KLHL29: variants seen among roughly 807,000 people sequenced by gnomAD.
KLHL29 encodes the protein kelch like family member 29, also known as kelch-like protein 29.
A neutral mutation model predicts 80.4 loss-of-function variants in KLHL29; 21 were observed. That is an observed-to-expected ratio of 0.26 (90% confidence interval 0.19 to 0.38). KLHL29 has a LOEUF of 0.38. Among genes scored for constraint, KLHL29 ranks in the 10% least tolerant of loss-of-function variants. The pLI, the probability that KLHL29 is intolerant of heterozygous loss-of-function variation, is 1.00. For missense variants in KLHL29, 867 were observed against 1,223.9 expected (o/e 0.71, Z 4.35); for synonymous variants, 511 against 526.8 (o/e 0.97, Z 0.41).
chr2:23,572,923 C>T (rs1202113185), intron 3 of KLHL29, among the ~76,000 whole-genome samples: 1 of 152,164 alleles, frequency 6.6e-6, no homozygotes, highest in Non-Finnish European at 1.5e-5. Context: ...CTCCTGACCT[C>T]GTGATCCGCC....
At chr2:23,666,258 G>T (rs556058022) in intron 5 of KLHL29, among the ~76,000 whole-genome samples, 1 of 152,156 alleles carries the variant, frequency 6.6e-6, no homozygotes, top group Non-Finnish European at 1.5e-5. Context: ...CACAAGTTGC[G>T]TGTGCCTTTT....
chr2:23,518,574 C>A lies in KLHL29; in HGVS notation c.-46+42907C>A, dbSNP rs145901275. On this transcript the variant is annotated intron_variant, in intron 2 of 13. Coordinates refer to ENST00000486442, the MANE Select transcript of KLHL29 (RefSeq NM_052920.2). ...GAAAAGAAACCCCAGCTGTCCCCTCCGGGAAGGCTCTGTGCACCTTCTCCA... is the reference window on the plus strand; with the variant it reads ...GAAAAGAAACCCCAGCTGTCCCCTCAGGGAAGGCTCTGTGCACCTTCTCCA... Among the ~76,000 whole-genome samples the A allele has an allele frequency of 2.9e-4, 44 of 152,288 alleles. No individual in the cohort carries two copies. The East Asian group carries it at 7.5e-3, about 26-fold the overall frequency.
At chr2:23,686,308 C>T (rs1300648478) in intron 6 of KLHL29, among the ~76,000 whole-genome samples, 1 of 150,636 alleles carries the variant, frequency 6.6e-6, no homozygotes, top group Non-Finnish European at 1.5e-5. Context: ...GTCTCGGTGG[C>T]CCTCATCAGA....
chr2:23,579,807 TCTGCACCC>T (rs762980635), intron 3 of KLHL29, among the ~76,000 whole-genome samples: 7 of 152,282 alleles, frequency 4.6e-5, no homozygotes, highest in Non-Finnish European at 2.9e-5. Context: ...ATCTGTCACC[TCTGCACCC>T]CCGCCCCCAT....
At chr2:23,529,709 G>A (rs1666433817) in intron 2 of KLHL29, among the ~76,000 whole-genome samples, 1 of 152,206 alleles carries the variant, frequency 6.6e-6, no homozygotes, top group African/African-American at 2.4e-5. Context: ...GAGTATAATA[G>A]GTCTAGTACA....
At chr2:23,604,643 G>A (rs1668659103) in intron 3 of KLHL29, among the ~76,000 whole-genome samples, 1 of 152,158 alleles carries the variant, frequency 6.6e-6, no homozygotes, top group Non-Finnish European at 1.5e-5. Context: ...AGCACTGAGT[G>A]CCCATCTGCA....
intron 3 of KLHL29, among the ~76,000 whole-genome samples, chr2:23,578,039 C>T (rs1341576139): frequency 1.3e-5 from 2 of 152,276 alleles, no homozygotes; most frequent in Admixed American, 6.5e-5. Context: ...GTAAATTATG[C>T]GATTCCTCCC....
intron 2 of KLHL29, among the ~76,000 whole-genome samples, chr2:23,561,740 G>A (rs536606276): frequency 1.3e-5 from 2 of 152,174 alleles, no homozygotes; most frequent in Non-Finnish European, 2.9e-5. Context: ...GTCTGCACAC[G>A]TGGGTGGCCG....
At position 23,661,039 on chromosome 2, in the gene KLHL29, AAAAGAG is replaced by A. The variant is rs556098797; in HGVS notation, c.940+18191_940+18196del. Among the ~76,000 whole-genome samples, 27 of 150,864 alleles carry A rather than the reference AAAAGAG, an allele frequency of 1.8e-4. No individual in the cohort carries two copies. The South Asian group carries it at 5.5e-3, about 31-fold the overall frequency. On this transcript the variant is annotated intron_variant, in intron 5 of 13. Transcript: ENST00000486442. ...AGAACAAAACTCTGTTTCAGAAAAA[AAAAGAG>A]AGAGAGAGAGAGAAGCCAGGCATTG...
chr2:23,623,203 C>A (rs1669228592), intron 3 of KLHL29, among the ~76,000 whole-genome samples: 1 of 152,156 alleles, frequency 6.6e-6, no homozygotes, highest in African/African-American at 2.4e-5. Context: ...CTTCCCCACC[C>A]TGGGGACCTG....
At chr2:23,480,521 AG>A (rs2103441637) in intron 2 of KLHL29, among the ~76,000 whole-genome samples, 1 of 152,182 alleles carries the variant, frequency 6.6e-6, no homozygotes, top group East Asian at 1.9e-4. Context: ...ACAGATGCCT[AG>A]GTCCTTCCCC....
In KLHL29 at chr2:23,664,997, T is replaced by G. The variant is rs1030190050; in HGVS notation, c.941-19402T>G. 5.3e-5 allele frequency among the ~76,000 whole-genome samples: 8 copies of G among 152,158 alleles called. No homozygotes were observed. The East Asian group carries it at 1.5e-3, about 29-fold the overall frequency. On this transcript the variant is annotated intron_variant, in intron 5 of 13. Transcript: ENST00000486442. Reference sequence around the variant, plus strand: ...AAAGAATAAAATTGCCCTTTAAAAGTGCACAGAGATAGTGCTCTCCACGGC... The same window carrying G: ...AAAGAATAAAATTGCCCTTTAAAAGGGCACAGAGATAGTGCTCTCCACGGC...
chr2:23,582,256 A>G (rs2103510304), intron 3 of KLHL29, among the ~76,000 whole-genome samples: 1 of 152,308 alleles, frequency 6.6e-6, no homozygotes, highest in South Asian at 2.1e-4. Context: ...AATTAGTTTC[A>G]TTTTTTAATA....
intron 1 of KLHL29, among the ~76,000 whole-genome samples, chr2:23,425,892 G>A (rs973123346): frequency 6.6e-5 from 10 of 152,320 alleles, no homozygotes; most frequent in African/African-American, 9.6e-5. Flanking sequence ...ACAAATCAAA[G>A]CCCAGAGAGG....
chr2:23,461,086 C>A (rs1165408263), intron 1 of KLHL29, among the ~76,000 whole-genome samples: 2 of 152,204 alleles, frequency 1.3e-5, no homozygotes, highest in African/African-American at 4.8e-5. Flanking sequence ...ACAATAATCA[C>A]CAACATCTGT....
rs1427914852 is a variant in KLHL29 at position 23,693,104 on chromosome 2, G to A, written c.1283-165G>A. ...TAGGGGAGAACCCAGGAGAAGGATC[G>A]AAGCCTCCAGACACCCAGGAAGGGG... On this transcript the variant is annotated intron_variant, in intron 7 of 13. Coordinates refer to ENST00000486442, the MANE Select transcript of KLHL29 (RefSeq NM_052920.2). Among the ~76,000 whole-genome samples the A allele has an allele frequency of 2.0e-5, 3 of 152,134 alleles. No homozygotes were observed. In the East Asian group the frequency reaches 5.8e-4, roughly 29 times the overall value.
At chr2:23,429,091 G>A (rs1179924866) in intron 1 of KLHL29, among the ~76,000 whole-genome samples, 1 of 152,230 alleles carries the variant, frequency 6.6e-6, no homozygotes, top group Non-Finnish European at 1.5e-5. Context: ...TTTGGGTGAG[G>A]ATCGTGAGCA....
intron 5 of KLHL29, among the ~76,000 whole-genome samples, chr2:23,666,855 A>G (rs990348102): frequency 6.6e-6 from 1 of 152,206 alleles, no homozygotes; most frequent in Admixed American, 6.5e-5. Context: ...CCCAGCAGCT[A>G]TAAGGCACCT....
intron 3 of KLHL29, among the ~76,000 whole-genome samples, chr2:23,602,709 C>T (rs1349647891): frequency 6.6e-6 from 1 of 151,772 alleles, no homozygotes; most frequent in African/African-American, 2.4e-5. Flanking sequence ...CCATCTCAGC[C>T]TCCAAAAGTG....
Sources: allele counts gnomAD v4.1 joint callset (sites outside exome capture counted in the v4.1 genomes callset), GRCh38; gene constraint gnomAD v4.1.1; transcripts MANE v1.5; gene names NCBI Gene and HGNC (gene_info 2026-07-23, HGNC 2026-07-21).